The following USP30 variants were observed in gnomAD, a reference collection of about 807,000 sequenced individuals.
USP30 encodes the protein ubiquitin specific peptidase 30.
A neutral mutation model predicts 68.2 loss-of-function variants in USP30; 41 were observed. The observed-to-expected ratio is 0.60, with a 90% confidence interval of 0.47 to 0.78. The LOEUF (loss-of-function observed/expected upper bound fraction) is 0.78, where lower values mean the gene tolerates loss of function less well. Among genes scored for constraint, USP30 ranks in the 30% least tolerant of loss-of-function variants. The probability of loss-of-function intolerance (pLI) is 0.00; values close to 1 mark genes in which losing one functional copy is unlikely to be tolerated. For missense variants in USP30, 522 were observed against 649.4 expected (o/e 0.80, Z 2.13); for synonymous variants, 229 against 253.7 (o/e 0.90, Z 0.93).
chr12:109,081,634 C>T (rs1415088125), intron 8 of USP30: 1 of 556,612 alleles, frequency 1.8e-6, no homozygotes, highest in Non-Finnish European at 3.2e-6. Context: ...CACACACACA[C>T]ACACACACAC....
chr12:109,052,787 C>G, intron 1 of USP30, 26 bp downstream of exon 1: 1 of 1,436,466 alleles, frequency 7.0e-7, no homozygotes, highest in Non-Finnish European at 9.1e-7. Flanking sequence ...GCGGGGCTGC[C>G]GAAGAGGCCG....
rs559136644 is a variant in USP30, at chr12:109,069,660, G to A, written c.481-1952G>A. ...CTCTTAGAGCTGGTATTCCAGTGGG[G>A]GATGAGGATAGCAGGCAGGGGTCGG... is the stretch of plus-strand genomic sequence containing the variant. On this transcript the variant is annotated intron_variant, in intron 4 of 12. Transcript: ENST00000257548. Among the ~76,000 whole-genome samples, 183 of 152,368 alleles carry A rather than the reference G, an allele frequency of 1.2e-3. 3 individuals carry two copies. The South Asian group carries it at 0.021, about 18-fold the overall frequency.
chr12:109,056,853 A>G (rs1211869720), intron 2 of USP30, 62 bp downstream of exon 2: 2 of 1,238,822 alleles, frequency 1.6e-6, no homozygotes, highest in Non-Finnish European at 2.2e-6. Flanking sequence ...TTATCTGAAA[A>G]CAGTACAAAG....
intron 3 of USP30, among the ~76,000 whole-genome samples, chr12:109,030,032 A>C (rs1289930962): frequency 1.3e-5 from 2 of 152,206 alleles, no homozygotes; most frequent in Non-Finnish European, 2.9e-5. Flanking sequence ...ATACGTGTTG[A>C]ACTATATTTT....
chr12:109,032,143 C>G (rs952949788), intron 3 of USP30, among the ~76,000 whole-genome samples: 4 of 139,964 alleles, frequency 2.9e-5, no homozygotes, highest in Non-Finnish European at 4.7e-5. Context: ...CCCGTCTCTA[C>G]AAAAAAAAAA....
chr12:109,062,480 G>A (rs974372787), intron 3 of USP30, among the ~76,000 whole-genome samples: 9 of 151,782 alleles, frequency 5.9e-5, no homozygotes, highest in East Asian at 1.9e-4. Context: ...GATTATAGGC[G>A]CCATGCCTGG....
At chr12:109,075,683 C>G (rs2041579302) in intron 7 of USP30, among the ~76,000 whole-genome samples, 1 of 152,168 alleles carries the variant, frequency 6.6e-6, no homozygotes, top group African/African-American at 2.4e-5. Flanking sequence ...GCCATCCTAA[C>G]AGGTGTGCGG....
intron 3 of USP30, among the ~76,000 whole-genome samples, chr12:109,036,092 T>A (rs2135665638): frequency 6.6e-6 from 1 of 152,262 alleles, no homozygotes; most frequent in African/African-American, 2.4e-5. Context: ...ACCAAGAGGT[T>A]GAGGCTGAAG....
intron 3 of USP30, among the ~76,000 whole-genome samples, chr12:109,034,814 A>G (rs942208286): frequency 2.6e-5 from 4 of 151,626 alleles, no homozygotes; most frequent in African/African-American, 9.7e-5. Context: ...TGTTAAGTGC[A>G]TGTATGATTA....
intron 3 of USP30, among the ~76,000 whole-genome samples, chr12:109,031,743 C>T (rs1165971863): frequency 2.0e-5 from 3 of 152,082 alleles, no homozygotes; most frequent in African/African-American, 7.2e-5. Flanking sequence ...TGAGATAAGC[C>T]AGTAACAACA....
chr12:109,052,460 G>A, upstream of USP30: 1 of 420,798 alleles, frequency 2.4e-6, no homozygotes, highest in Non-Finnish European at 4.1e-6. Context: ...GGGGCCTGTT[G>A]CTAAGGGAAA....
At chr12:109,068,121 C>T (rs1322838079) in intron 4 of USP30, among the ~76,000 whole-genome samples, 1 of 152,232 alleles carries the variant, frequency 6.6e-6, no homozygotes, top group African/African-American at 2.4e-5. Flanking sequence ...TCCACAACTA[C>T]AGCTTTGCTG....
chr12:109,061,441 G>C (rs1168366553), intron 3 of USP30, among the ~76,000 whole-genome samples: 4 of 145,724 alleles, frequency 2.7e-5, no homozygotes, highest in African/African-American at 5.1e-5. Flanking sequence ...GGGTTCTTCT[G>C]TCTGTCGCCC....
chr12:109,051,973 C>T (rs994494847), upstream of USP30, among the ~76,000 whole-genome samples: 1 of 152,178 alleles, frequency 6.6e-6, no homozygotes, highest in Non-Finnish European at 1.5e-5. Flanking sequence ...GACAGACAGA[C>T]CGAACTGCCA....
chr12:109,085,289 GTATGTGTGTATA>G (rs1202333509), intron 12 of USP30, among the ~76,000 whole-genome samples: 11 of 152,130 alleles, frequency 7.2e-5, no homozygotes, highest in African/African-American at 2.4e-4. Flanking sequence ...ATATGCATAT[GTATGTGTGTATA>G]TATGTGTGTA....
chr12:109,023,093 C>T (rs1366670351), exon 1 of USP30: 1 of 152,246 alleles, frequency 6.6e-6, no homozygotes, highest in African/African-American at 2.4e-5. Context: ...GTCAGTATCC[C>T]CATTGTTGCA....
At chr12:109,067,143 TCACTCTGTCA>T (rs1422368059) in intron 3 of USP30, among the ~76,000 whole-genome samples, 2 of 135,626 alleles carry the variant, frequency 1.5e-5, no homozygotes, top group Non-Finnish European at 3.1e-5. Context: ...AGATGGAGCG[TCACTCTGTCA>T]CCCAGGCTGG....
At chr12:109,056,651 G>A in intron 1 of USP30, 31 bp from the exon 2 acceptor site, 1 of 1,531,726 alleles carries the variant, frequency 6.5e-7, no homozygotes. Flanking sequence ...GTTTGTGTGA[G>A]GGAAGACAGT....
intron 3 of USP30, among the ~76,000 whole-genome samples, chr12:109,063,691 C>T (rs2041152445): frequency 6.6e-6 from 1 of 152,170 alleles, no homozygotes; most frequent in South Asian, 2.1e-4. Flanking sequence ...AGTTTCTCCT[C>T]ACCAACAGAT....
Sources: allele counts gnomAD v4.1 joint callset (sites outside exome capture counted in the v4.1 genomes callset), GRCh38; gene constraint gnomAD v4.1.1; transcripts MANE v1.5; gene names NCBI Gene and HGNC (gene_info 2026-07-23, HGNC 2026-07-21).